The following BRWD1 variants were observed in gnomAD, a reference collection of about 807,000 sequenced individuals.
BRWD1 encodes bromodomain and WD repeat domain containing 1.
In BRWD1, 82 loss-of-function variants were observed where a neutral mutation model predicts 251.2. That is an observed-to-expected ratio of 0.33 (90% CI 0.27 to 0.39). BRWD1 has a LOEUF of 0.39. Among genes scored for constraint, BRWD1 ranks in the 10% least tolerant of loss-of-function variants. The probability of loss-of-function intolerance (pLI) is 1.00; values close to 1 mark genes in which losing one functional copy is unlikely to be tolerated. For missense variants in BRWD1, 2,233 were observed against 2,711.6 expected, an observed-to-expected ratio of 0.82 and a Z score of 3.92; for synonymous variants, 918 against 902.8, an observed-to-expected ratio of 1.02 and a Z score of -0.30.
At chr21:39,264,429 A>C (rs113427700) in intron 17 of BRWD1, 31 bp downstream of exon 17, 5 of 189,742 alleles carry the variant, frequency 2.6e-5, no homozygotes, top group Non-Finnish European at 3.3e-5. Flanking sequence ...GTACAACTTT[A>C]AAAAAAAAAA....
At position 39,229,380 on chromosome 21, in the gene BRWD1, G is replaced by T; in HGVS notation, c.3057C>A (p.Leu1019=). The T allele has an allele frequency of 6.2e-7, 1 of 1,609,452 alleles. No individual in the cohort carries two copies. The highest frequency in any genetic ancestry group is 1.3e-5 in the African/African-American group (1 of 74,930). The change falls in exon 26 of 41, where the codon CTC becomes CTA. Residue 1019 remains leucine, a synonymous_variant. Transcript: ENST00000342449. ...GIRYEVGPPT[L]CCLKLAFIDP... ...CTATAAATGCTAGTTTTAGGCAACA[G>T]AGTGTAGGGGGCCCAACTTCATATC... is the stretch of plus-strand genomic sequence containing the variant.
chr21:39,264,864 A>G (rs760938410), intron 16 of BRWD1, 27 bp downstream of exon 16: 3 of 1,604,772 alleles, frequency 1.9e-6, no homozygotes, highest in Non-Finnish European at 1.7e-6. Context: ...TATTACTTGC[A>G]TGCTACAACA....
At chr21:39,297,170 T>C (rs2035983733) in intron 5 of BRWD1, 3 of 985,292 alleles carry the variant, frequency 3.0e-6, no homozygotes, top group East Asian at 1.1e-4. Flanking sequence ...GAACATAGGT[T>C]TGAAGCAGTC....
In BRWD1 at chr21:39,224,388, T is replaced by C; in HGVS notation, c.3382+20A>G. ...TATTATAAAAATAAAATGTTTTCAT[T>C]ATTTAACAAATATATATACCATTAT... On this transcript the variant is annotated intron_variant, in intron 29 of 40. Coordinates refer to ENST00000342449, the MANE Select transcript of BRWD1 (RefSeq NM_033656.4). 1 of 1,464,226 alleles carries C rather than the reference T, an allele frequency of 6.8e-7. No homozygotes were observed. Among genetic ancestry groups the C allele is most frequent in the Non-Finnish European group, 9.3e-7 (1 of 1,070,078 alleles). 90.7% of individuals were successfully genotyped at this position (1,464,226 alleles called of 1,614,324 possible).
Position 39,255,873 on chromosome 21 carries a change from T to G in BRWD1, c.2072-45A>C, listed in dbSNP as rs772925892. On this transcript the variant is annotated intron_variant, in intron 18 of 40. Transcript: ENST00000342449. ...AAGTGATTCCAATACACTTTTAAAC[T>G]AATATACATTTAGCATGTAACAAGC... 4 of 1,541,472 alleles carry G rather than the reference T, an allele frequency of 2.6e-6. No homozygotes were observed. The South Asian group carries it at 4.5e-5, about 17-fold the overall frequency.
Position 39,197,001 on chromosome 21 carries a change from A to C in BRWD1, c.6068T>G (p.Met2023Arg). Residue 2023 changes from methionine (M) to arginine (R), a missense_variant, in exon 41 of 41, where the codon ATG (methionine) becomes AGG (arginine). Physicochemically the swap from Met to Arg is moderately conservative, Grantham distance 91. Transcript: ENST00000342449. ...CCTGTGCTTGTGTTCTGAATTCAAC[A>C]TATCTTCAGAGTCTGAGTCTCCATT... ...ALNGDSDSED[M>R]LNSEHKHRHT... The C allele has an allele frequency of 2.5e-6, 4 of 1,614,076 alleles. No homozygotes were observed. The highest frequency in any genetic ancestry group is 3.4e-6 in the Non-Finnish European group (4 of 1,179,958).
chr21:39,310,504 G>A (rs1444877549), intron 4 of BRWD1, among the ~76,000 whole-genome samples: 2 of 152,164 alleles, frequency 1.3e-5, no homozygotes, highest in African/African-American at 2.4e-5. Flanking sequence ...CCAGGTGCCT[G>A]TAATCCCAGC....
chr21:39,189,084 A>C lies in BRWD1; in HGVS notation c.*7175T>G. 1.7e-5 allele frequency: 17 copies of C among 984,316 alleles called. No individual in the cohort carries two copies. Among genetic ancestry groups the C allele is most frequent in the Non-Finnish European group, 2.1e-5 (17 of 828,860 alleles). 61.0% of individuals were successfully genotyped at this position (984,316 alleles called of 1,614,324 possible). A position where few individuals can be genotyped will look rare whatever the true frequency, so the allele number is the denominator to read the frequency against. ...CCAACAAGTCAACCCTATATCCAAA[A>C]TGAATCTTTAACACATTAAATCAAT... On this transcript the variant is annotated 3_prime_UTR_variant, in exon 41 of 41. Transcript: ENST00000342449.
intron 29 of BRWD1, among the ~76,000 whole-genome samples, chr21:39,220,430 T>C (rs994594390): frequency 6.6e-5 from 10 of 152,252 alleles, no homozygotes; most frequent in African/African-American, 2.4e-4. Context: ...GGCTGAGCAC[T>C]GCTCCAAACC....
chr21:39,282,742 G>C (rs1003481522), intron 8 of BRWD1, among the ~76,000 whole-genome samples: 2 of 152,104 alleles, frequency 1.3e-5, no homozygotes, highest in Non-Finnish European at 2.9e-5. Context: ...TGGATCACCT[G>C]AGGTCAGGAG....
At chr21:39,287,776 CTTGT>C (rs2035687473) in intron 8 of BRWD1, among the ~76,000 whole-genome samples, 1 of 151,876 alleles carries the variant, frequency 6.6e-6, no homozygotes, top group Non-Finnish European at 1.5e-5. Flanking sequence ...TTTCTTTCTT[CTTGT>C]TTGTTCTTCT....
rs1264423083 is a variant in BRWD1, at chr21:39,267,811, A to G, written c.1530+2088T>C. 2.6e-5 allele frequency among the ~76,000 whole-genome samples: 4 copies of G among 152,338 alleles called. No homozygotes were observed. The East Asian group carries it at 7.7e-4, about 29-fold the overall frequency. ...TTAGAAACCACTTAAGTACTCAACAATAGAAATTAATTGTGTAAAAGTTAA... is the reference window on the plus strand; with the variant it reads ...TTAGAAACCACTTAAGTACTCAACAGTAGAAATTAATTGTGTAAAAGTTAA... On this transcript the variant is annotated intron_variant, in intron 15 of 40. Transcript: ENST00000342449.
chr21:39,295,611 T>G, intron 7 of BRWD1, 132 bp downstream of exon 7: 17 of 583,264 alleles, frequency 2.9e-5, no homozygotes, highest in South Asian at 4.7e-5. Flanking sequence ...TACAAATTCG[T>G]GAGACCCACA....
At chr21:39,215,017 G>A (rs985559611) in intron 32 of BRWD1, among the ~76,000 whole-genome samples, 8 of 150,430 alleles carry the variant, frequency 5.3e-5, no homozygotes, top group African/African-American at 1.2e-4. Context: ...TCAGCCACCC[G>A]CCACCACGCC....
intron 2 of BRWD1, 28 bp downstream of exon 2, chr21:39,313,213 C>G (rs771680412): frequency 6.6e-7 from 1 of 1,521,296 alleles, no homozygotes; most frequent in East Asian, 2.6e-5. Context: ...GACGCCAAGT[C>G]CGCAGCCGCC....
At chr21:39,244,921 A>AATATATATATACATATATATATAT (rs1555859653) in intron 21 of BRWD1, among the ~76,000 whole-genome samples, 15 of 112,560 alleles carry the variant, frequency 1.3e-4, no homozygotes, top group African/African-American at 4.2e-4. Flanking sequence ...CTTTGGAAGA[A>AATATATATATACATATATATATAT]ATATATATAT....
chr21:39,197,174 G>C lies in BRWD1; in HGVS notation c.5895C>G (p.Leu1965=). Reference sequence around the variant, plus strand: ...TCTTAGCTGTAGTACAAGCAAGATGGAGAGGTTTTTTCCTTCCATTTTTGC... The same window carrying C: ...TCTTAGCTGTAGTACAAGCAAGATGCAGAGGTTTTTTCCTTCCATTTTTGC... The part of the protein sequence containing the change: ...TRSKNGRKKP[L]HLACTTAKKK... Residue 1965 remains leucine (L), a synonymous_variant, in exon 41 of 41, where the codon CTC becomes CTG. Coordinates refer to ENST00000342449, the MANE Select transcript of BRWD1 (RefSeq NM_033656.4). The C allele has an allele frequency of 6.2e-7, 1 of 1,614,088 alleles. No homozygotes were observed. The highest frequency in any genetic ancestry group is 8.5e-7 in the Non-Finnish European group (1 of 1,179,964).
intron 4 of BRWD1, among the ~76,000 whole-genome samples, chr21:39,300,313 A>G (rs1017629573): frequency 6.6e-6 from 1 of 152,210 alleles, no homozygotes; most frequent in Non-Finnish European, 1.5e-5. Flanking sequence ...CTCTTCTGAC[A>G]TGGAAAGCCT....
intron 36 of BRWD1, among the ~76,000 whole-genome samples, chr21:39,206,704 G>T (rs967737731): frequency 1.2e-4 from 18 of 152,282 alleles, no homozygotes; most frequent in South Asian, 2.1e-4. Context: ...ACCCATCTCT[G>T]TCTGCAATCT....
Sources: allele counts gnomAD v4.1 joint callset (sites outside exome capture counted in the v4.1 genomes callset), GRCh38; gene constraint gnomAD v4.1.1; transcripts MANE v1.5; gene names NCBI Gene and HGNC (gene_info 2026-07-23, HGNC 2026-07-21).